Variants in FSTL4 observed in about 807,000 individuals in gnomAD.
The protein encoded by FSTL4 is follistatin like 4.
A neutral mutation model predicts 78.2 loss-of-function variants in FSTL4; 28 were observed. The ratio of observed to expected loss-of-function variants is 0.36; its 90% CI spans 0.27 to 0.49. The LOEUF (loss-of-function observed/expected upper bound fraction) is 0.49, where lower values mean the gene tolerates loss of function less well. Among genes scored for constraint, FSTL4 ranks in the 20% least tolerant of loss-of-function variants. The pLI, the probability that FSTL4 is intolerant of heterozygous loss-of-function variation, is 0.98. For missense variants in FSTL4, 922 were observed against 1,084.9 expected (o/e 0.85, Z 2.11); for synonymous variants, 422 against 440.5 (o/e 0.96, Z 0.53).
At chr5:133,418,270 G>GTAT (rs1756619872) in intron 3 of FSTL4, among the ~76,000 whole-genome samples, 1 of 151,740 alleles carries the variant, frequency 6.6e-6, no homozygotes, top group Non-Finnish European at 1.5e-5. Flanking sequence ...GAAAGAAAGA[G>GTAT]TATTTCTATA....
chr5:133,363,543 C>A (rs562723345), intron 4 of FSTL4, among the ~76,000 whole-genome samples: 1 of 152,266 alleles, frequency 6.6e-6, no homozygotes, highest in South Asian at 2.1e-4. Context: ...ATTTGAATGG[C>A]CAGCCGCAAT....
At chr5:133,422,574 A>T (rs532476517) in intron 3 of FSTL4, among the ~76,000 whole-genome samples, 1 of 152,280 alleles carries the variant, frequency 6.6e-6, no homozygotes, top group East Asian at 1.9e-4. Flanking sequence ...AAAAAAATCA[A>T]AGAATTTGTT....
At chr5:133,427,745 T>C (rs1255444228) in intron 3 of FSTL4, 2 of 497,580 alleles carry the variant, frequency 4.0e-6, no homozygotes, top group Non-Finnish European at 8.7e-6. Flanking sequence ...AGATCACATG[T>C]TGAGAAGCCC....
chr5:133,561,816 G>A (rs1334732522), intron 3 of FSTL4, among the ~76,000 whole-genome samples: 1 of 152,102 alleles, frequency 6.6e-6, no homozygotes, highest in African/African-American at 2.4e-5. Flanking sequence ...CTACCAATTG[G>A]TCATGATCAA....
chr5:133,316,002 G>T (rs1363477488), intron 5 of FSTL4, among the ~76,000 whole-genome samples: 1 of 152,216 alleles, frequency 6.6e-6, no homozygotes, highest in East Asian at 1.9e-4. Context: ...GGCTTGGTGG[G>T]GGTTGACGGG....
chr5:133,321,784 C>T (rs942991439), intron 4 of FSTL4, among the ~76,000 whole-genome samples: 1 of 152,212 alleles, frequency 6.6e-6, no homozygotes, highest in Non-Finnish European at 1.5e-5. Context: ...GGAGGCATGA[C>T]TCTTCCAGAG....
At chr5:133,775,441 G>A in the FSTL4 span, among the ~76,000 whole-genome samples, 12 of 152,160 alleles carry the variant, frequency 7.9e-5, no homozygotes, top group Non-Finnish European at 1.5e-5. Context: ...AGAATTCACA[G>A]GATAGCCCTC....
the FSTL4 span, among the ~76,000 whole-genome samples, chr5:133,685,349 T>C: frequency 1.3e-5 from 2 of 152,180 alleles, no homozygotes; most frequent in Non-Finnish European, 2.9e-5. Flanking sequence ...ACAGCTGACA[T>C]TGAGGCACGG....
At chr5:133,271,473 T>C (rs1752763216) in intron 6 of FSTL4, among the ~76,000 whole-genome samples, 1 of 152,198 alleles carries the variant, frequency 6.6e-6, no homozygotes, top group South Asian at 2.1e-4. Context: ...ATACAGGGTG[T>C]GGAGAGCACA....
chr5:133,416,588 G>C (rs917856510), intron 3 of FSTL4, among the ~76,000 whole-genome samples: 11 of 152,152 alleles, frequency 7.2e-5, no homozygotes, highest in Admixed American at 2.0e-4. Flanking sequence ...GGAGAAAGCT[G>C]GCAGATATCA....
intron 13 of FSTL4, among the ~76,000 whole-genome samples, chr5:133,212,481 GTC>G (rs1750764231): frequency 6.6e-6 from 1 of 152,220 alleles, no homozygotes; most frequent in South Asian, 2.1e-4. Context: ...CTTCAACTCA[GTC>G]TCTACTCTCT....
chr5:133,617,553 G>C, the FSTL4 span, among the ~76,000 whole-genome samples: 1 of 152,156 alleles, frequency 6.6e-6, no homozygotes, highest in South Asian at 2.1e-4. Flanking sequence ...CGGAGATGCA[G>C]TGCCCCAAGT....
chr5:133,510,941 C>T (rs1163689052), intron 3 of FSTL4, among the ~76,000 whole-genome samples: 1 of 152,190 alleles, frequency 6.6e-6, no homozygotes. Flanking sequence ...TTCTGTATAG[C>T]TCTCGGGCTG....
chr5:133,496,882 G>A (rs185538244), intron 3 of FSTL4, among the ~76,000 whole-genome samples: 73 of 152,158 alleles, frequency 4.8e-4, no homozygotes, highest in African/African-American at 1.5e-3. Flanking sequence ...CTCCCTGTAC[G>A]TCCAGTTGGA....
At chr5:133,206,044 C>G (rs964495219) in intron 14 of FSTL4, among the ~76,000 whole-genome samples, 6 of 152,154 alleles carry the variant, frequency 3.9e-5, no homozygotes, top group Admixed American at 2.0e-4. Flanking sequence ...TGAGATTAGT[C>G]TACAGTTTTA....
intron 6 of FSTL4, 171 bp downstream of exon 6, chr5:133,312,483 G>A (rs915046985): frequency 7.9e-5 from 50 of 629,624 alleles, no homozygotes; most frequent in Admixed American, 1.1e-4. Flanking sequence ...TCCACTCTCC[G>A]TTTAGTCTTT....
chr5:133,291,483 G>A (rs1471452100), intron 6 of FSTL4, among the ~76,000 whole-genome samples: 1 of 152,214 alleles, frequency 6.6e-6, no homozygotes, highest in African/African-American at 2.4e-5. Context: ...TTCAGTGGCT[G>A]TGGTAGACAC....
At chr5:133,348,199 A>G (rs1413066524) in intron 4 of FSTL4, among the ~76,000 whole-genome samples, 2 of 152,236 alleles carry the variant, frequency 1.3e-5, no homozygotes, top group African/African-American at 4.8e-5. Flanking sequence ...TTTTCTGAAA[A>G]TGAAGGCTTT....
chr5:133,372,062 C>CA (rs1271173970), intron 4 of FSTL4, among the ~76,000 whole-genome samples: 1 of 152,180 alleles, frequency 6.6e-6, no homozygotes, highest in Non-Finnish European at 1.5e-5. Context: ...CCCTGTCACC[C>CA]ACCCACAGGC....
Sources: gnomAD v4.1 joint callset for allele counts (sites outside exome capture counted in the v4.1 genomes callset) on GRCh38, gnomAD v4.1.1 for gene constraint, MANE v1.5 for transcripts, NCBI Gene and HGNC (gene_info 2026-07-23, HGNC 2026-07-21) for gene names.